The following SLC44A1 variants were observed in gnomAD, a reference collection of about 807,000 sequenced individuals.
SLC44A1 encodes solute carrier family 44 member 1, also known as choline transporter-like protein 1.
Under a neutral mutation model 79.3 loss-of-function variants are expected in SLC44A1, and 26 were observed. The observed-to-expected ratio is 0.33, with a 90% CI of 0.24 to 0.46. SLC44A1 has a LOEUF of 0.46. Ranked by LOEUF, SLC44A1 falls within the 20% of genes least tolerant of loss-of-function variation. The pLI is 1.00. For missense variants in SLC44A1, 688 were observed against 798.1 expected, an observed-to-expected ratio of 0.86 and a Z score of 1.66; for synonymous variants, 263 against 286.2, an observed-to-expected ratio of 0.92 and a Z score of 0.82.
intron 15 of SLC44A1, among the ~76,000 whole-genome samples, chr9:105,434,495 G>T (rs1232582188): frequency 6.6e-6 from 1 of 152,184 alleles, no homozygotes; most frequent in Non-Finnish European, 1.5e-5. Flanking sequence ...AGATGGAAAA[G>T]ATAAAAGTAG....
intron 3 of SLC44A1, among the ~76,000 whole-genome samples, chr9:105,329,097 C>G (rs958980631): frequency 4.2e-4 from 64 of 152,116 alleles, no homozygotes; most frequent in African/African-American, 1.4e-3. Flanking sequence ...CTGCGGGGCT[C>G]TCTGTAGCCT....
intron 1 of SLC44A1, among the ~76,000 whole-genome samples, chr9:105,297,354 T>C (rs1332250342): frequency 6.6e-6 from 1 of 152,212 alleles, no homozygotes; most frequent in Non-Finnish European, 1.5e-5. Context: ...TAAATTCTTA[T>C]GAAAATTATG....
intron 1 of SLC44A1, among the ~76,000 whole-genome samples, chr9:105,282,463 C>G (rs761670691): frequency 6.6e-6 from 1 of 152,122 alleles, no homozygotes; most frequent in Admixed American, 6.5e-5. Context: ...CTGCAATAGT[C>G]TTCTGATCAG....
chr9:105,267,420 A>G (rs994740100), intron 1 of SLC44A1, among the ~76,000 whole-genome samples: 1 of 151,860 alleles, frequency 6.6e-6, no homozygotes, highest in African/African-American at 2.4e-5. Flanking sequence ...ATTTTTTCTT[A>G]ATTCTTTCTT....
chr9:105,391,297 C>T lies in SLC44A1; in HGVS notation c.*2241C>T. The T allele has an allele frequency of 1.0e-6, 1 of 985,736 alleles. No individual in the cohort carries two copies. The highest frequency in any genetic ancestry group is 5.2e-4 in the Middle Eastern group (1 of 1,914). 61.1% of individuals were successfully genotyped at this position (985,736 alleles called of 1,614,324 possible). On this transcript the variant is annotated 3_prime_UTR_variant, in exon 16 of 16. Coordinates refer to ENST00000374720, the MANE Select transcript of SLC44A1 (RefSeq NM_080546.5). ...AGGAATGCTTTCTAATTATCATTTG[C>T]AACTAGAACTGTAATCAGAAAGAAA...
chr9:105,416,907 A>G (rs1176938211), intron 15 of SLC44A1, among the ~76,000 whole-genome samples: 7 of 152,234 alleles, frequency 4.6e-5, no homozygotes, highest in Admixed American at 4.6e-4. Flanking sequence ...AAGGCCTAAG[A>G]TTATATCTAT....
intron 5 of SLC44A1, among the ~76,000 whole-genome samples, chr9:105,354,251 C>T (rs912556472): frequency 2.0e-5 from 3 of 150,892 alleles, no homozygotes; most frequent in African/African-American, 4.9e-5. Flanking sequence ...GGGGTTTCAC[C>T]GTGTTAGCCA....
At chr9:105,333,182 A>G (rs539318546) in intron 3 of SLC44A1, among the ~76,000 whole-genome samples, 12 of 152,330 alleles carry the variant, frequency 7.9e-5, no homozygotes, top group African/African-American at 2.6e-4. Context: ...CAGTGTATCT[A>G]TTCTCAAGAG....
At chr9:105,425,180 T>C (rs529092844) in intron 15 of SLC44A1, among the ~76,000 whole-genome samples, 1 of 152,316 alleles carries the variant, frequency 6.6e-6, no homozygotes, top group East Asian at 1.9e-4. Context: ...ATGTCAGTAA[T>C]ACCCATCGAA....
intron 5 of SLC44A1, among the ~76,000 whole-genome samples, chr9:105,351,646 G>GAAAGAAAGAAAGAA (rs1827444653): frequency 6.8e-6 from 1 of 147,406 alleles, no homozygotes; most frequent in East Asian, 1.9e-4. Flanking sequence ...AAGAAAGAAA[G>GAAAGAAAGAAAGAA]AAAGAAAGAA....
chr9:105,395,491 T>G lies in SLC44A1; in HGVS notation c.*6435T>G, dbSNP rs952427539. On this transcript the variant is annotated 3_prime_UTR_variant, in exon 16 of 16. Coordinates refer to ENST00000374720, the MANE Select transcript of SLC44A1 (RefSeq NM_080546.5). ...GCCTCAGCCTCCCAAAGTGCTGGGA[T>G]TACAGGCATGAGCCACCGCGCCCGG... is the stretch of plus-strand genomic sequence containing the variant. The G allele has an allele frequency of 6.2e-6, 6 of 968,204 alleles. No homozygotes were observed. Among genetic ancestry groups the G allele is most frequent in the Non-Finnish European group, 7.4e-6 (6 of 814,206 alleles). 60.0% of individuals were successfully genotyped at this position (968,204 alleles called of 1,614,324 possible). A position where few individuals can be genotyped will look rare whatever the true frequency, so the allele number is the denominator to read the frequency against.
intron 15 of SLC44A1, among the ~76,000 whole-genome samples, chr9:105,414,997 C>T (rs992491461): frequency 6.6e-6 from 1 of 152,000 alleles, no homozygotes; most frequent in Non-Finnish European, 1.5e-5. Flanking sequence ...GTGGGATACT[C>T]ACCCATCAAA....
chr9:105,264,102 G>A (rs1829904922), intron 1 of SLC44A1, among the ~76,000 whole-genome samples: 1 of 152,066 alleles, frequency 6.6e-6, no homozygotes, highest in South Asian at 2.1e-4. Context: ...ACCTACTTCG[G>A]GTTGCCCTTA....
chr9:105,355,429 TAA>T (rs1827591584), intron 5 of SLC44A1, among the ~76,000 whole-genome samples: 1 of 152,220 alleles, frequency 6.6e-6, no homozygotes, highest in South Asian at 2.1e-4. Context: ...TAGTAACTGA[TAA>T]AAAGAAAATA....
intron 1 of SLC44A1, among the ~76,000 whole-genome samples, chr9:105,283,283 A>G (rs1371981143): frequency 6.6e-6 from 1 of 152,170 alleles, no homozygotes; most frequent in East Asian, 1.9e-4. Flanking sequence ...TTATACTGAA[A>G]TGCTAGGAGA....
intron 4 of SLC44A1, among the ~76,000 whole-genome samples, chr9:105,347,650 A>G (rs376718538): frequency 2.4e-4 from 37 of 152,186 alleles, no homozygotes; most frequent in African/African-American, 8.2e-4. Flanking sequence ...TGTTGGCCAT[A>G]TAATCAGAAA....
chr9:105,336,126 G>GCA (rs1826911047), intron 4 of SLC44A1, among the ~76,000 whole-genome samples: 1 of 144,720 alleles, frequency 6.9e-6, no homozygotes, highest in African/African-American at 2.9e-5. Flanking sequence ...ATATGTGTGT[G>GCA]TGTGTGCATG....
chr9:105,391,114 T>A lies in SLC44A1; in HGVS notation c.*2058T>A. 1 of 985,726 alleles carries A rather than the reference T, an allele frequency of 1.0e-6. No individual in the cohort carries two copies. The highest frequency in any genetic ancestry group is 1.2e-6 in the Non-Finnish European group (1 of 829,898). The allele number at this position is 985,726 out of a possible 1,614,324, so 61.1% of individuals were successfully genotyped here. On this transcript the variant is annotated 3_prime_UTR_variant, in exon 16 of 16. Coordinates refer to ENST00000374720, the MANE Select transcript of SLC44A1 (RefSeq NM_080546.5). Reference sequence around the variant, plus strand: ...AGATGGGTATCAAAACAGAAGACATTCCAGGAGCTAGCAATTTTAAGAGGT... The same window carrying A: ...AGATGGGTATCAAAACAGAAGACATACCAGGAGCTAGCAATTTTAAGAGGT...
intron 15 of SLC44A1, among the ~76,000 whole-genome samples, chr9:105,404,856 T>G (rs1829008443): frequency 6.6e-6 from 1 of 152,248 alleles, no homozygotes; most frequent in African/African-American, 2.4e-5. Flanking sequence ...TCTTCCTTTG[T>G]AAAATGGGAA....
Sources: allele counts gnomAD v4.1 joint callset (sites outside exome capture counted in the v4.1 genomes callset), GRCh38; gene constraint gnomAD v4.1.1; transcripts MANE v1.5; gene names NCBI Gene and HGNC (gene_info 2026-07-23, HGNC 2026-07-21).